ANK3: variants seen among roughly 807,000 people sequenced by gnomAD.
ANK3 encodes ankyrin 3.
Under a neutral mutation model 370.9 loss-of-function variants are expected in ANK3, and 57 were observed. The ratio of observed to expected loss-of-function variants is 0.15; its 90% CI spans 0.12 to 0.19. The LOEUF is 0.19. Ranked by LOEUF, ANK3 falls within the 10% of genes least tolerant of loss-of-function variation. ANK3 has a pLI of 1.00. For synonymous variants in ANK3, 1,929 were observed against 1,946.3 expected (o/e 0.99, Z 0.23); for missense variants, 4,439 against 5,302.1 (o/e 0.84, Z 5.06).
intron 4 of ANK3, among the ~76,000 whole-genome samples, chr10:60,274,814 C>A (rs1039562464): frequency 6.6e-6 from 1 of 152,028 alleles, no homozygotes; most frequent in African/African-American, 2.4e-5. Flanking sequence ...CAAGTAACAC[C>A]CCAAAATTAC....
intron 1 of ANK3, among the ~76,000 whole-genome samples, chr10:60,322,587 C>T (rs1276285594): frequency 6.6e-6 from 1 of 151,950 alleles, no homozygotes; most frequent in Non-Finnish European, 1.5e-5. Context: ...TTCCCCAAGG[C>T]CTTTTCTCAT....
At chr10:60,719,448 G>C (rs1420870958) in intron 1 of ANK3, among the ~76,000 whole-genome samples, 3 of 152,014 alleles carry the variant, frequency 2.0e-5, no homozygotes, top group African/African-American at 7.2e-5. Context: ...CACCAAAAAA[G>C]TTGTACCAAT....
At chr10:60,218,594 G>A (rs1029800341) in intron 8 of ANK3, among the ~76,000 whole-genome samples, 1 of 152,094 alleles carries the variant, frequency 6.6e-6, no homozygotes, top group Admixed American at 6.5e-5. Context: ...TTTTCCTTAT[G>A]AATGTTGAAT....
chr10:60,174,580 C>T (rs2095875672), intron 18 of ANK3, among the ~76,000 whole-genome samples: 1 of 152,100 alleles, frequency 6.6e-6, no homozygotes, highest in Non-Finnish European at 1.5e-5. Context: ...AAGAACTTCC[C>T]CTTACAAGTC....
intron 1 of ANK3, among the ~76,000 whole-genome samples, chr10:60,362,010 T>A (rs2058684409): frequency 6.6e-6 from 1 of 152,214 alleles, no homozygotes; most frequent in Admixed American, 6.5e-5. Flanking sequence ...AACATTTTGG[T>A]GAACAGCCAC....
At chr10:60,664,328 T>A (rs2133375123) in intron 1 of ANK3, among the ~76,000 whole-genome samples, 1 of 152,306 alleles carries the variant, frequency 6.6e-6, no homozygotes, top group South Asian at 2.1e-4. Context: ...TCACATTCTG[T>A]GAAATAAGGA....
intron 1 of ANK3, among the ~76,000 whole-genome samples, chr10:60,345,826 G>C (rs750008357): frequency 2.0e-5 from 3 of 152,142 alleles, no homozygotes; most frequent in Non-Finnish European, 4.4e-5. Context: ...ACTGGAGGCA[G>C]TGTTAAGAGG....
chr10:60,700,503 T>A (rs575600683), intron 1 of ANK3, among the ~76,000 whole-genome samples: 1 of 152,198 alleles, frequency 6.6e-6, no homozygotes, highest in East Asian at 1.9e-4. Context: ...AATAAACATA[T>A]AATAAGCCAG....
chr10:60,319,583 C>A (rs564032233), intron 1 of ANK3, among the ~76,000 whole-genome samples: 32 of 152,140 alleles, frequency 2.1e-4, no homozygotes, highest in Non-Finnish European at 4.0e-4. Flanking sequence ...TTAAAACACA[C>A]CCATTTATTG....
chr10:60,090,123 C>A (rs1240766409), intron 28 of ANK3, among the ~76,000 whole-genome samples: 1 of 152,158 alleles, frequency 6.6e-6, no homozygotes, highest in East Asian at 1.9e-4. Context: ...TCAAGACCAG[C>A]CGGGCCAACA....
chr10:60,629,531 T>C (rs1393015918), intron 1 of ANK3, among the ~76,000 whole-genome samples: 1 of 152,142 alleles, frequency 6.6e-6, no homozygotes, highest in East Asian at 1.9e-4. Context: ...GTAACTCCTC[T>C]ACAACCACAC....
Position 60,202,259 on chromosome 10 carries a change from T to C in ANK3, c.1392+743A>G, listed in dbSNP as rs547359122. ...GCCTCAGCCTCCCAAGTTGCTAGGATTACAGGCATGCGCCACCATGCCTGG... is the reference window on the plus strand; with the variant it reads ...GCCTCAGCCTCCCAAGTTGCTAGGACTACAGGCATGCGCCACCATGCCTGG... On this transcript the variant is annotated intron_variant, in intron 12 of 43. Transcript: ENST00000280772. Among the ~76,000 whole-genome samples the C allele has an allele frequency of 5.3e-5, 8 of 152,228 alleles. No homozygotes were observed. In the South Asian group the frequency reaches 1.7e-3, roughly 32 times the overall value.
chr10:60,488,016 A>T (rs2075395062), intron 2 of ANK3, among the ~76,000 whole-genome samples: 1 of 152,144 alleles, frequency 6.6e-6, no homozygotes, highest in African/African-American at 2.4e-5. Flanking sequence ...CATCTCATCA[A>T]ACTTTCCTCC....
chr10:60,068,115 T>C (rs2081997653), intron 37 of ANK3, 106 bp from the exon 38 acceptor site: 1 of 937,746 alleles, frequency 1.1e-6, no homozygotes, highest in African/African-American at 1.6e-5. Flanking sequence ...ATGCTAACAC[T>C]GTACACTGAA....
At chr10:60,608,465 C>A (rs751686736) in intron 2 of ANK3, among the ~76,000 whole-genome samples, 2 of 152,112 alleles carry the variant, frequency 1.3e-5, no homozygotes, top group Non-Finnish European at 2.9e-5. Context: ...ATGCATTATA[C>A]TTTATTGTGA....
intron 2 of ANK3, among the ~76,000 whole-genome samples, chr10:60,517,071 TTC>T (rs1478686409): frequency 2.0e-5 from 3 of 152,038 alleles, no homozygotes. Flanking sequence ...TCTTAGTTTT[TTC>T]TGTTTGGTTT....
At chr10:60,509,672 A>G (rs1227299225) in intron 2 of ANK3, among the ~76,000 whole-genome samples, 1 of 152,158 alleles carries the variant, frequency 6.6e-6, no homozygotes, top group Non-Finnish European at 1.5e-5. Context: ...TGATAACAGT[A>G]TGGTTTTATA....
chr10:60,331,063 AC>A (rs2051134024), intron 1 of ANK3, among the ~76,000 whole-genome samples: 1 of 151,938 alleles, frequency 6.6e-6, no homozygotes, highest in South Asian at 2.1e-4. Flanking sequence ...TGGGAATTGA[AC>A]TATGAGAAAA....
intron 26 of ANK3, among the ~76,000 whole-genome samples, chr10:60,111,952 C>T (rs895464503): frequency 6.6e-6 from 1 of 152,204 alleles, no homozygotes; most frequent in Non-Finnish European, 1.5e-5. Flanking sequence ...ACTGCAAGGA[C>T]CTGGCATCAG....
Sources: gnomAD v4.1 joint callset for allele counts (sites outside exome capture counted in the v4.1 genomes callset) on GRCh38, gnomAD v4.1.1 for gene constraint, MANE v1.5 for transcripts, NCBI Gene and HGNC (gene_info 2026-07-23, HGNC 2026-07-21) for gene names.